NRDC: variants seen among roughly 807,000 people sequenced by gnomAD.
NRDC encodes the protein nardilysin.
A neutral mutation model predicts 147.1 loss-of-function variants in NRDC; 54 were observed. The ratio of observed to expected loss-of-function variants is 0.37; its 90% CI spans 0.29 to 0.46. The LOEUF (loss-of-function observed/expected upper bound fraction) is 0.46. Among genes scored for constraint, NRDC ranks in the 20% least tolerant of loss-of-function variants. The pLI, the probability that NRDC is intolerant of heterozygous loss-of-function variation, is 1.00. For missense variants in NRDC, 1,082 were observed against 1,370.6 expected, an observed-to-expected ratio of 0.79 and a Z score of 3.33; for synonymous variants, 440 against 482.1, an observed-to-expected ratio of 0.91 and a Z score of 1.14.
chr1:51,832,070 A>G (rs1179945496), intron 4 of NRDC, among the ~76,000 whole-genome samples: 8 of 152,056 alleles, frequency 5.3e-5, no homozygotes, highest in Non-Finnish European at 7.4e-5. Context: ...TTTTTGAGAC[A>G]GAGTCCCACT....
At chr1:51,848,597 T>C (rs1681775948) in intron 1 of NRDC, among the ~76,000 whole-genome samples, 1 of 152,108 alleles carries the variant, frequency 6.6e-6, no homozygotes, top group Non-Finnish European at 1.5e-5. Context: ...AAAACTATTA[T>C]TAATAAATAG....
chr1:51,829,954 G>A (rs1466907327), intron 4 of NRDC, among the ~76,000 whole-genome samples: 1 of 147,176 alleles, frequency 6.8e-6, no homozygotes, highest in African/African-American at 2.5e-5. Context: ...ATTCAAATTT[G>A]TCTTTTATTT....
intron 11 of NRDC, among the ~76,000 whole-genome samples, 170 bp from the exon 12 acceptor site, chr1:51,814,983 C>A (rs913985370): frequency 3.3e-5 from 5 of 152,116 alleles, no homozygotes; most frequent in African/African-American, 4.8e-5. Flanking sequence ...TTTAAAAGCA[C>A]AAAGCCTCCC....
At chr1:51,831,799 G>A (rs924137502) in intron 4 of NRDC, among the ~76,000 whole-genome samples, 5 of 151,418 alleles carry the variant, frequency 3.3e-5, no homozygotes, top group African/African-American at 4.9e-5. Context: ...GGCTGGTCTC[G>A]AATTCCTGGG....
rs756202700 is a variant in NRDC, at chr1:51,827,897, C to T, written c.867-28G>A. 6.9e-5 allele frequency: 110 copies of T among 1,590,412 alleles called. 1 individual carries two copies. The South Asian group carries it at 1.0e-3, about 15-fold the overall frequency. ...GAACAAAAAACAAAACTGGCATTTC[C>T]GTTTTTGTTCACTTTCATCAATCAA... On this transcript the variant is annotated intron_variant, in intron 4 of 30. Coordinates refer to ENST00000352171, the MANE Select transcript of NRDC (RefSeq NM_001101662.2).
rs754439242 is a variant in NRDC at position 51,840,350 on chromosome 1, T to C, written c.506A>G (p.Glu169Gly). 32 of 1,531,520 alleles carry C rather than the reference T, an allele frequency of 2.1e-5. No homozygotes were observed. The highest frequency in any genetic ancestry group is 2.8e-5 in the Non-Finnish European group (31 of 1,105,452). The allele number at this position is 1,531,520 out of a possible 1,614,324, so 94.9% of individuals were successfully genotyped here. A position where few individuals can be genotyped will look rare whatever the true frequency, so the allele number is the denominator to read the frequency against. ...DSGAEIEDDD[E>G]EGFDDEDEFD... ...CTCATCTTCATCATCAAAACCCTCT[T>C]CATCGTCATCTTCTATTTCAGCTCC... Residue 169 changes from glutamate to glycine, a missense_variant, in exon 2 of 31, where the codon GAA (glutamate) becomes GGA (glycine). Glu to Gly is a moderately conservative substitution (Grantham distance 98). Around this residue, in one of 3 missense-constraint regions of NRDC, gnomAD observed 260 missense variants for 253.2 expected, o/e 1.03. Coordinates refer to ENST00000352171, the MANE Select transcript of NRDC (RefSeq NM_001101662.2).
At chr1:51,853,117 G>A (rs764735687) in intron 1 of NRDC, among the ~76,000 whole-genome samples, 9 of 151,804 alleles carry the variant, frequency 5.9e-5, no homozygotes, top group Non-Finnish European at 1.2e-4. Flanking sequence ...TCAGCTACTC[G>A]GAAGGCTGAG....
At chr1:51,831,167 C>G (rs372971260) in intron 4 of NRDC, among the ~76,000 whole-genome samples, 1 of 152,104 alleles carries the variant, frequency 6.6e-6, no homozygotes, top group African/African-American at 2.4e-5. Flanking sequence ...AGTCCTTGTA[C>G]AAAACATATT....
intron 1 of NRDC, among the ~76,000 whole-genome samples, chr1:51,843,957 G>GA (rs1208934478): frequency 3.3e-5 from 5 of 151,402 alleles, no homozygotes; most frequent in Admixed American, 6.6e-5. Flanking sequence ...AAACAGAACA[G>GA]AAAAAATCTA....
intron 22 of NRDC, among the ~76,000 whole-genome samples, chr1:51,796,086 G>A (rs1358537263): frequency 6.6e-6 from 1 of 152,104 alleles, no homozygotes; most frequent in East Asian, 1.9e-4. Context: ...TCACTATGTT[G>A]CCCAGGCTGG....
chr1:51,810,009 A>T (rs1221798230), intron 16 of NRDC, among the ~76,000 whole-genome samples: 5 of 152,208 alleles, frequency 3.3e-5, no homozygotes, highest in African/African-American at 1.2e-4. Flanking sequence ...AGTGACAAAA[A>T]TGCACACTAC....
rs749684511 is a variant in NRDC, at chr1:51,840,451, A to G, written c.405T>C (p.Gly135=). Residue 135 remains glycine (G), a synonymous_variant, in exon 2 of 31, where the codon GGT becomes GGC. Coordinates refer to ENST00000352171, the MANE Select transcript of NRDC (RefSeq NM_001101662.2). ...LLISDLSNME[G]KTGNTTDDEE... is the part of the protein sequence containing the mutation. ...CATCATCTGTTGTATTTCCTGTTTT[A>G]CCTTCCATATTACTTAGGTCTGAAA... 1.2e-6 allele frequency: 2 copies of G among 1,612,206 alleles called. No homozygotes were observed. The highest frequency in any genetic ancestry group is 1.7e-6 in the Non-Finnish European group (2 of 1,179,142).
rs1334079932 is a variant in NRDC at position 51,840,382 on chromosome 1, T to A, written c.474A>T (p.Glu158Asp). ...EVEEEEEDDD[E>D]DSGAEIEDDD... ...CATCTTCTATTTCAGCTCCAGAATC[T>A]TCATCATCATCTTCTTCTTCTTCCT... Residue 158 changes from glutamate to aspartate, a missense_variant, in exon 2 of 31, where the codon GAA becomes GAT. By Grantham distance (45) the Glu-to-Asp change is conservative (BLOSUM62 2). Coordinates refer to ENST00000352171, the MANE Select transcript of NRDC (RefSeq NM_001101662.2). 1 of 1,524,118 alleles carries A rather than the reference T, an allele frequency of 6.6e-7. No individual in the cohort carries two copies. Among genetic ancestry groups the A allele is most frequent in the Non-Finnish European group, 9.0e-7 (1 of 1,116,090 alleles). 94.4% of individuals were successfully genotyped at this position (1,524,118 alleles called of 1,614,324 possible). A position where few individuals can be genotyped will look rare whatever the true frequency, so the allele number is the denominator to read the frequency against.
At chr1:51,797,779 C>G (rs921277489) in intron 22 of NRDC, among the ~76,000 whole-genome samples, 11 of 152,158 alleles carry the variant, frequency 7.2e-5, no homozygotes, top group Admixed American at 7.2e-4. Flanking sequence ...TTCTTTATTT[C>G]TTTTCTTTTG....
At chr1:51,859,540 G>A (rs1298530010) in intron 1 of NRDC, among the ~76,000 whole-genome samples, 1 of 152,130 alleles carries the variant, frequency 6.6e-6, no homozygotes, top group Admixed American at 6.5e-5. Context: ...TTTTGGGAGG[G>A]TTCCGTCCTC....
At chr1:51,871,502 T>C (rs1296819054) in intron 1 of NRDC, among the ~76,000 whole-genome samples, 3 of 94,310 alleles carry the variant, frequency 3.2e-5, no homozygotes, top group African/African-American at 8.3e-5. Flanking sequence ...AGAATTCTCC[T>C]CCACTGGTTC....
intron 4 of NRDC, among the ~76,000 whole-genome samples, chr1:51,830,653 G>A (rs1413775484): frequency 1.3e-5 from 2 of 152,098 alleles, no homozygotes; most frequent in South Asian, 2.1e-4. Flanking sequence ...TTGTATTCCC[G>A]CTTATAATGG....
At chr1:51,864,746 C>T (rs982393626) in intron 1 of NRDC, among the ~76,000 whole-genome samples, 2 of 151,856 alleles carry the variant, frequency 1.3e-5, no homozygotes, top group African/African-American at 2.4e-5. Context: ...GAGGCCAGGA[C>T]TTCGAGACCA....
intron 1 of NRDC, among the ~76,000 whole-genome samples, chr1:51,861,471 A>T (rs929943088): frequency 6.6e-6 from 1 of 151,546 alleles, no homozygotes; most frequent in Admixed American, 6.6e-5. Context: ...CTGGGACTAC[A>T]GGTGCATGCC....
Sources: allele counts gnomAD v4.1 joint callset (sites outside exome capture counted in the v4.1 genomes callset), GRCh38; gene constraint gnomAD v4.1.1; regional missense constraint gnomAD v4.1.1; transcripts MANE v1.5; gene names NCBI Gene and HGNC (gene_info 2026-07-23, HGNC 2026-07-21).